Variants in NRXN1 observed in about 807,000 individuals in gnomAD.
NRXN1 encodes the protein neurexin-1.
A neutral mutation model predicts 150.9 loss-of-function variants in NRXN1; 39 were observed. The observed-to-expected ratio is 0.26, with a 90% CI of 0.20 to 0.34. The LOEUF is 0.34. Ranked by LOEUF, NRXN1 falls within the 10% of genes least tolerant of loss-of-function variation. The probability of loss-of-function intolerance (pLI) is 1.00; values close to 1 mark genes in which losing one functional copy is unlikely to be tolerated. For synonymous variants in NRXN1, 924 were observed against 757.0 expected (o/e 1.22, Z -3.62); for missense variants, 1,815 against 1,949.9 (o/e 0.93, Z 1.30).
intron 18 of NRXN1, among the ~76,000 whole-genome samples, chr2:50,200,553 T>C (rs999927872): frequency 6.6e-6 from 1 of 152,076 alleles, no homozygotes; most frequent in Admixed American, 6.6e-5. Flanking sequence ...GCTCACTGAG[T>C]GTAAATGGAG....
chr2:50,564,483 G>C (rs1242657917), intron 8 of NRXN1, among the ~76,000 whole-genome samples: 2 of 151,982 alleles, frequency 1.3e-5, no homozygotes, highest in African/African-American at 4.8e-5. Flanking sequence ...TCTACATTTT[G>C]ACTTTATCTG....
At chr2:50,329,956 G>C (rs950354199) in intron 17 of NRXN1, among the ~76,000 whole-genome samples, 11 of 151,658 alleles carry the variant, frequency 7.3e-5, no homozygotes, top group African/African-American at 2.4e-4. Context: ...ACAGGCGTGA[G>C]CCACTGCACC....
chr2:50,927,687 T>C (rs2104354671), intron 2 of NRXN1, among the ~76,000 whole-genome samples: 1 of 152,172 alleles, frequency 6.6e-6, no homozygotes, highest in South Asian at 2.1e-4. Context: ...CTGTTTAAGA[T>C]GCTTACTTAA....
intron 17 of NRXN1, among the ~76,000 whole-genome samples, chr2:50,244,150 C>T (rs1444012567): frequency 6.6e-6 from 1 of 151,744 alleles, no homozygotes; most frequent in Non-Finnish European, 1.5e-5. Context: ...CATTTTATCA[C>T]ATTTTGATGT....
chr2:51,004,134 C>T (rs72828349), intron 2 of NRXN1, among the ~76,000 whole-genome samples: 21,601 of 151,684 alleles, frequency 0.14, 1,971 homozygotes, highest in Non-Finnish European at 0.2. Flanking sequence ...AACTAACAAC[C>T]CCAAGTTTGG....
At chr2:50,429,199 G>A (rs2084746268) in intron 17 of NRXN1, among the ~76,000 whole-genome samples, 2 of 151,926 alleles carry the variant, frequency 1.3e-5, no homozygotes, top group African/African-American at 4.8e-5. Flanking sequence ...GTTGTTAAAA[G>A]TATATAGAGT....
intron 17 of NRXN1, among the ~76,000 whole-genome samples, chr2:50,278,395 G>A (rs912206381): frequency 4.1e-5 from 6 of 145,784 alleles, no homozygotes; most frequent in African/African-American, 1.0e-4. Context: ...CAAGTGCTCC[G>A]CCCCCCTTGG....
chr2:50,232,989 C>T (rs1574638365), intron 18 of NRXN1, among the ~76,000 whole-genome samples: 1 of 151,950 alleles, frequency 6.6e-6, no homozygotes, highest in African/African-American at 2.4e-5. Context: ...CTATACTTTT[C>T]TGTATTGTAA....
intron 8 of NRXN1, chr2:50,619,006 C>T (rs183946969): frequency 6.6e-6 from 1 of 152,124 alleles, no homozygotes; most frequent in African/African-American, 2.4e-5. Context: ...CATCCACATA[C>T]TGGGCAACAA....
At chr2:49,928,770 A>T (rs1450162561) in intron 22 of NRXN1, among the ~76,000 whole-genome samples, 1 of 152,202 alleles carries the variant, frequency 6.6e-6, no homozygotes, top group Non-Finnish European at 1.5e-5. Flanking sequence ...AATGATTTAT[A>T]TGACATGCAT....
At chr2:50,474,605 A>G (rs1166723053) in intron 15 of NRXN1, among the ~76,000 whole-genome samples, 1 of 148,400 alleles carries the variant, frequency 6.7e-6, no homozygotes, top group East Asian at 2.0e-4. Flanking sequence ...CTGAGACCTT[A>G]GACAGTCTCA....
chr2:50,392,565 T>G (rs2081793944), intron 17 of NRXN1, among the ~76,000 whole-genome samples: 1 of 152,262 alleles, frequency 6.6e-6, no homozygotes, highest in African/African-American at 2.4e-5. Context: ...GTTCTAAATT[T>G]TGAGCTAAAC....
In NRXN1 at chr2:50,552,884, C is replaced by G. The variant is rs1667733113; in HGVS notation, c.1462G>C (p.Glu488Gln). Residue 488 changes from glutamate to glutamine, a missense_variant, in exon 9 of 23, where the codon GAG becomes CAG. By Grantham distance (29) the Glu-to-Gln change is conservative. Coordinates refer to ENST00000401669, the MANE Select transcript of NRXN1 (RefSeq NM_001330078.2). ...TLDPITFETP[E>Q]SFISLPKWNA... The stretch of plus-strand genomic sequence containing the variant: ...CATTTAGGCAAAGAGATGAAAGACT[C>G]TGGGGTTTCAAAGGTGATTGGGTCT... 10 of 1,613,806 alleles carry G rather than the reference C, an allele frequency of 6.2e-6. No individual in the cohort carries two copies. The highest frequency in any genetic ancestry group is 3.3e-5 in the Admixed American group (2 of 60,000).
rs573447069 is a variant in NRXN1 at position 50,469,351 on chromosome 2, G to T, written c.3244+2947C>A. Among the ~76,000 whole-genome samples the T allele has an allele frequency of 2.0e-5, 3 of 151,732 alleles. No homozygotes were observed. In the East Asian group the frequency reaches 5.8e-4, roughly 29 times the overall value. ...CCCTGAAATAAATTAGAAATAAAAG[G>T]CAACAAGTGATTATTTAGGAAAGAT... On this transcript the variant is annotated intron_variant, in intron 16 of 22. Coordinates refer to ENST00000401669, the MANE Select transcript of NRXN1 (RefSeq NM_001330078.2).
intron 4 of NRXN1, among the ~76,000 whole-genome samples, chr2:50,922,296 T>C (rs996858557): frequency 4.6e-5 from 7 of 151,892 alleles, no homozygotes; most frequent in African/African-American, 1.7e-4. Flanking sequence ...TGGTTTAAAC[T>C]GAGGATCTTC....
chr2:50,417,012 C>A (rs917652323), intron 17 of NRXN1: 4 of 148,238 alleles, frequency 2.7e-5, no homozygotes, highest in East Asian at 1.9e-4. Context: ...AAATCTTAAT[C>A]AAAAAACAGT....
intron 18 of NRXN1, among the ~76,000 whole-genome samples, chr2:50,099,552 G>T (rs1700722221): frequency 6.6e-6 from 1 of 151,906 alleles, no homozygotes; most frequent in Admixed American, 6.6e-5. Flanking sequence ...ACATTTAATG[G>T]CTACATAGTT....
intron 10 of NRXN1, among the ~76,000 whole-genome samples, chr2:50,531,876 G>A (rs766406799): frequency 6.6e-6 from 1 of 151,964 alleles, no homozygotes; most frequent in Non-Finnish European, 1.5e-5. Flanking sequence ...TTGAGACAAG[G>A]TCTGTATCCC....
chr2:50,620,545 A>C (rs1679824527), intron 7 of NRXN1, among the ~76,000 whole-genome samples: 1 of 152,164 alleles, frequency 6.6e-6, no homozygotes, highest in South Asian at 2.1e-4. Flanking sequence ...TGTACATATT[A>C]GTAAGGTTTA....
Sources: allele counts gnomAD v4.1 joint callset (sites outside exome capture counted in the v4.1 genomes callset), GRCh38; gene constraint gnomAD v4.1.1; transcripts MANE v1.5; gene names NCBI Gene and HGNC (gene_info 2026-07-23, HGNC 2026-07-21).